The following CC2D1A variants were observed in gnomAD, a reference collection of about 807,000 sequenced individuals.
CC2D1A encodes the protein coiled-coil and C2 domain-containing protein 1A.
CC2D1A carries 68 observed loss-of-function variants against 123.8 expected under a neutral mutation model. The ratio of observed to expected loss-of-function variants is 0.55; its 90% confidence interval spans 0.45 to 0.67. The LOEUF (loss-of-function observed/expected upper bound fraction) is 0.67, where lower values mean the gene tolerates loss of function less well. Ranked by LOEUF, CC2D1A falls within the 30% of genes least tolerant of loss-of-function variation. The probability of loss-of-function intolerance (pLI) is 0.00; values close to 1 mark genes in which losing one functional copy is unlikely to be tolerated. For missense variants in CC2D1A, 1,185 were observed against 1,290.3 expected, an observed-to-expected ratio of 0.92 and a Z score of 1.25; for synonymous variants, 477 against 528.0, an observed-to-expected ratio of 0.90 and a Z score of 1.32.
At chr19:13,908,253 G>A (rs753314405) in intron 1 of CC2D1A, among the ~76,000 whole-genome samples, 2 of 152,148 alleles carry the variant, frequency 1.3e-5, no homozygotes, top group South Asian at 2.1e-4. Context: ...CAGGTGACCC[G>A]CCTGCCTCGG....
At chr19:13,915,680 A>G (rs1049191863) in intron 6 of CC2D1A, among the ~76,000 whole-genome samples, 1 of 152,040 alleles carries the variant, frequency 6.6e-6, no homozygotes, top group Non-Finnish European at 1.5e-5. Flanking sequence ...AAAATTAAGA[A>G]ATTAGCCGGG....
rs1971030035 is a variant in CC2D1A at position 13,912,388 on chromosome 19, G to A, written c.262G>A (p.Glu88Lys). 6.2e-7 allele frequency: 1 copy of A among 1,613,682 alleles called. No homozygotes were observed. The highest frequency in any genetic ancestry group is 2.2e-5 in the East Asian group (1 of 44,860). ...SLCMRDPDEDEEEGTDEDDLE... is the reference protein window; with the variant it reads ...SLCMRDPDEDKEEGTDEDDLE... ...GTGCATGAGAGACCCGGATGAGGAT[G>A]AGGAGGAGGGGACGGATGAGGACGA... The change falls in exon 3 of 29, where the codon GAG becomes AAG. Residue 88 changes from glutamate to lysine, a missense_variant. Transcript: ENST00000318003.
intron 6 of CC2D1A, 77 bp downstream of exon 6, chr19:13,913,715 G>A (rs975414768): frequency 5.4e-6 from 6 of 1,109,026 alleles, no homozygotes; most frequent in Admixed American, 2.8e-5. Context: ...GGGGGGTGCC[G>A]GCTGTGCACT....
chr19:13,918,483 A>C (rs777192749), intron 7 of CC2D1A, 21 bp from the exon 8 acceptor site: 1 of 1,609,936 alleles, frequency 6.2e-7, no homozygotes. Context: ...TCTTCTTCTA[A>C]TCTCCTCTTC....
At chr19:13,912,298 A>C in intron 2 of CC2D1A, 25 bp from the exon 3 acceptor site, 3 of 1,570,292 alleles carry the variant, frequency 1.9e-6, no homozygotes, top group Non-Finnish European at 2.6e-6. Flanking sequence ...ACCCTGGTCC[A>C]CCTGGGGCAT....
chr19:13,926,225 C>T (rs1159040841), intron 17 of CC2D1A, among the ~76,000 whole-genome samples: 1 of 151,546 alleles, frequency 6.6e-6, no homozygotes, highest in Non-Finnish European at 1.5e-5. Flanking sequence ...TAGGACTCAA[C>T]AACTGTTAAG....
chr19:13,929,408 T>C lies in CC2D1A; in HGVS notation c.2549T>C (p.Val850Ala). ...GCCCGGCCCCTGCATAGCCTCAGTG[T>C]GCTGGCGTTTGACCAAGAGCGTCTG... ...RSARPLHSLS[V>A]LAFDQERLER... The change falls in exon 25 of 29, where the codon GTG becomes GCG. Residue 850 changes from valine (V) to alanine (A), a missense_variant. Val to Ala is a moderately conservative substitution (Grantham distance 64). Transcript: ENST00000318003. The C allele has an allele frequency of 6.2e-7, 1 of 1,613,560 alleles. No homozygotes were observed. Among genetic ancestry groups the C allele is most frequent in the Non-Finnish European group, 8.5e-7 (1 of 1,179,982 alleles).
At chr19:13,926,913 A>C in intron 20 of CC2D1A, 41 bp downstream of exon 20, 1 of 1,609,158 alleles carries the variant, frequency 6.2e-7, no homozygotes, top group Non-Finnish European at 8.5e-7. Flanking sequence ...ACTCCCTTGC[A>C]GCAGAAGGGA....
chr19:13,906,578 C>T lies in CC2D1A; in HGVS notation c.60+77C>T. The T allele has an allele frequency of 2.1e-6, 2 of 931,092 alleles. No individual in the cohort carries two copies. The highest frequency in any genetic ancestry group is 3.0e-6 in the Non-Finnish European group (2 of 665,280). 57.7% of individuals were successfully genotyped at this position (931,092 alleles called of 1,614,324 possible). Reference sequence around the variant, plus strand: ...CTCGCTCAGGGAAGGGCCCCACCCCCCAGGGAAGCCCGATCTCCGCCCCAC... The same window carrying T: ...CTCGCTCAGGGAAGGGCCCCACCCCTCAGGGAAGCCCGATCTCCGCCCCAC... On this transcript the variant is annotated intron_variant, in intron 1 of 28. Transcript: ENST00000318003. The surrounding 1 kb of genome is among the most constrained non-coding windows in gnomAD (Gnocchi z 4.1).
chr19:13,914,805 G>C (rs1180401345), intron 6 of CC2D1A, among the ~76,000 whole-genome samples: 1 of 152,148 alleles, frequency 6.6e-6, no homozygotes, highest in African/African-American at 2.4e-5. Flanking sequence ...CCCATGCCCA[G>C]CTAATTTTTG....
chr19:13,919,301 G>A (rs1971326314), intron 11 of CC2D1A, 99 bp downstream of exon 11: 3 of 923,756 alleles, frequency 3.2e-6, no homozygotes, highest in South Asian at 3.3e-5. Flanking sequence ...CCAAGCTCCT[G>A]TTCCTCCAGC....
Position 13,920,624 on chromosome 19 carries a change from C to T in CC2D1A, c.1424C>T (p.Ser475Leu), listed in dbSNP as rs143529486. ...CCCTCAAGAACTCCCCAGTCGGGAT[C>T]AGCCCCAACAGCCAAAGCGCCCCCC... ...APPSRTPQSG[S>L]APTAKAPPKA... is the part of the protein sequence containing the mutation. The change falls in exon 13 of 29, where the codon TCA becomes TTA. Residue 475 changes from serine (S) to leucine (L), a missense_variant. Transcript: ENST00000318003. 2.9e-4 allele frequency: 461 copies of T among 1,611,172 alleles called. 1 individual carries two copies. In the African/African-American group the frequency reaches 5.3e-3, roughly 19 times the overall value.
intron 17 of CC2D1A, among the ~76,000 whole-genome samples, chr19:13,924,604 G>A (rs1971528117): frequency 6.6e-6 from 1 of 152,134 alleles, no homozygotes; most frequent in African/African-American, 2.4e-5. Context: ...CAAATAGCTG[G>A]GACTACAGGT....
In CC2D1A at chr19:13,928,036, A is replaced by AC. The variant is rs3217680; in HGVS notation, c.2454+12dup. The stretch of plus-strand genomic sequence containing the variant: ...TGCCGGCAGCTGTGCCCACAGTGAG[A>AC]CCCCCCACCCCCACCCATCAGCAAC... On this transcript the variant is annotated splice_region_variant and intron_variant, in intron 23 of 28. Transcript: ENST00000318003. The AC allele has an allele frequency of 4.4e-4, 710 of 1,606,776 alleles. 4 individuals are homozygous for AC. The African/African-American group carries it at 4.6e-3, about 10-fold the overall frequency.
At chr19:13,917,843 T>C (rs1876542418) in intron 6 of CC2D1A, among the ~76,000 whole-genome samples, 1 of 152,026 alleles carries the variant, frequency 6.6e-6, no homozygotes, top group Non-Finnish European at 1.5e-5. Context: ...GCCGGGCATG[T>C]GCCTGTAATC....
chr19:13,914,833 C>T (rs1971147664), intron 6 of CC2D1A, among the ~76,000 whole-genome samples: 1 of 152,130 alleles, frequency 6.6e-6, no homozygotes, highest in African/African-American at 2.4e-5. Flanking sequence ...TGTAGAGGTG[C>T]CATGTTGCCC....
chr19:13,913,656 C>G lies in CC2D1A; in HGVS notation c.748+18C>G. On this transcript the variant is annotated intron_variant, in intron 6 of 28. Transcript: ENST00000318003. ...GCCCCCAGGTAGGTGATGGGCAGGGCCGGGCTGATATGGGATCCGAGTGGG... is the reference window on the plus strand; with the variant it reads ...GCCCCCAGGTAGGTGATGGGCAGGGGCGGGCTGATATGGGATCCGAGTGGG... 1 of 1,565,920 alleles carries G rather than the reference C, an allele frequency of 6.4e-7. No homozygotes were observed. The highest frequency in any genetic ancestry group is 8.7e-7 in the Non-Finnish European group (1 of 1,150,758).
chr19:13,927,090 G>C lies in CC2D1A; in HGVS notation c.2225+13G>C. 2 of 1,613,562 alleles carry C rather than the reference G, an allele frequency of 1.2e-6. No individual in the cohort carries two copies. Among genetic ancestry groups the C allele is most frequent in the Non-Finnish European group, 1.7e-6 (2 of 1,179,574 alleles). On this transcript the variant is annotated intron_variant, in intron 21 of 28. Transcript: ENST00000318003. ...TGGTTCACAAGGGGTGAGCTAGAGA[G>C]AGCCATGGCCGCTGGGTGGGCTCCA... is the stretch of plus-strand genomic sequence containing the variant.
chr19:13,927,575 G>C, intron 22 of CC2D1A: 1 of 460,056 alleles, frequency 2.2e-6, no homozygotes, highest in Admixed American at 3.4e-5. Flanking sequence ...TCAGGAGATC[G>C]AGACCATCCT....
Sources: gnomAD v4.1 joint callset for allele counts (sites outside exome capture counted in the v4.1 genomes callset) on GRCh38, gnomAD v4.1.1 for gene constraint, Gnocchi (gnomAD v3.1) non-coding constraint, MANE v1.5 for transcripts, NCBI Gene and HGNC (gene_info 2026-07-23, HGNC 2026-07-21) for gene names.